Variants in PHACTR1 observed in about 807,000 individuals in gnomAD.
PHACTR1 encodes the protein RPEL repeat containing 1.
In PHACTR1, 16 loss-of-function variants were observed where a neutral mutation model predicts 69.2. The ratio of observed to expected loss-of-function variants is 0.23; its 90% CI spans 0.16 to 0.35. The LOEUF is 0.35. PHACTR1 is among the 10% of genes least tolerant of loss of function. The pLI, the probability that PHACTR1 is intolerant of heterozygous loss-of-function variation, is 1.00. For synonymous variants in PHACTR1, 312 were observed against 284.5 expected (o/e 1.10, Z -0.97); for missense variants, 510 against 734.7 (o/e 0.69, Z 3.54).
intron 4 of PHACTR1, among the ~76,000 whole-genome samples, chr6:12,783,341 C>T (rs1581727420): frequency 6.6e-6 from 1 of 152,218 alleles, no homozygotes; most frequent in East Asian, 1.9e-4. Context: ...GGTCAAATGC[C>T]TTTCATTAAA....
chr6:12,803,178 A>G (rs6919327), intron 4 of PHACTR1, among the ~76,000 whole-genome samples: 68,065 of 151,598 alleles, frequency 0.45, 16,127 homozygotes, highest in African/African-American at 0.58. Context: ...TTATTGTGTC[A>G]CTTCTTGACA....
At chr6:13,286,114 A>G (rs750745959) in intron 13 of PHACTR1, 32 bp from the exon 14 acceptor site, 1 of 1,568,196 alleles carries the variant, frequency 6.4e-7, no homozygotes, top group South Asian at 1.2e-5. Flanking sequence ...TCTCTCTCCC[A>G]TTGCACATTG....
intron 4 of PHACTR1, among the ~76,000 whole-genome samples, chr6:13,050,565 G>A (rs753210171): frequency 6.6e-6 from 1 of 151,860 alleles, no homozygotes; most frequent in Non-Finnish European, 1.5e-5. Flanking sequence ...CTACATCTTC[G>A]ATCTCTCACT....
intron 4 of PHACTR1, among the ~76,000 whole-genome samples, chr6:12,823,076 G>A (rs1483523838): frequency 6.6e-6 from 1 of 152,112 alleles, no homozygotes; most frequent in Non-Finnish European, 1.5e-5. Context: ...ATATATCGAG[G>A]CAAAATTGCA....
At chr6:12,897,698 TTTATTATTATTATTATTATTA>T (rs10526737) in intron 4 of PHACTR1, among the ~76,000 whole-genome samples, 4 of 148,832 alleles carry the variant, frequency 2.7e-5, no homozygotes, top group African/African-American at 9.9e-5. Flanking sequence ...TTTGTAATCT[TTTATTATTATTATTATTATTA>T]TTATTATTAT....
chr6:12,993,608 A>G (rs1028096791), intron 4 of PHACTR1, among the ~76,000 whole-genome samples: 1 of 152,220 alleles, frequency 6.6e-6, no homozygotes, highest in African/African-American at 2.4e-5. Context: ...CCATAGATAA[A>G]TCTGGAAATT....
At chr6:13,258,337 A>G (rs1161318172) in intron 10 of PHACTR1, among the ~76,000 whole-genome samples, 1 of 148,922 alleles carries the variant, frequency 6.7e-6, no homozygotes, top group Non-Finnish European at 1.5e-5. Flanking sequence ...CCTCGGCGAC[A>G]GAGAGAGACA....
At chr6:12,815,410 T>C (rs1046857593) in intron 4 of PHACTR1, among the ~76,000 whole-genome samples, 8 of 152,208 alleles carry the variant, frequency 5.3e-5, no homozygotes, top group Admixed American at 4.6e-4. Flanking sequence ...AACTTACCTG[T>C]TTTGATCATT....
intron 4 of PHACTR1, among the ~76,000 whole-genome samples, chr6:12,858,827 C>CCA (rs970125224): frequency 1.8e-4 from 25 of 140,760 alleles, no homozygotes; most frequent in African/African-American, 4.3e-4. Flanking sequence ...CACACACACA[C>CCA]CACACACACA....
chr6:13,023,242 C>G (rs1176224927), intron 4 of PHACTR1, among the ~76,000 whole-genome samples: 1 of 152,114 alleles, frequency 6.6e-6, no homozygotes, highest in East Asian at 1.9e-4. Context: ...AAAGAAATAA[C>G]TGATCTGAAT....
chr6:13,064,368 T>G (rs956913280), intron 5 of PHACTR1, among the ~76,000 whole-genome samples: 2 of 151,518 alleles, frequency 1.3e-5, no homozygotes, highest in African/African-American at 4.8e-5. Flanking sequence ...GGAGGTATGT[T>G]CTGTGCAGGA....
At chr6:12,926,367 C>T (rs2127521483) in intron 4 of PHACTR1, among the ~76,000 whole-genome samples, 1 of 152,292 alleles carries the variant, frequency 6.6e-6, no homozygotes, top group East Asian at 1.9e-4. Context: ...CATACCCTCT[C>T]TGGGGAATCT....
intron 5 of PHACTR1, among the ~76,000 whole-genome samples, chr6:13,136,791 A>G (rs1223517): frequency 0.93 from 142,042 of 152,282 alleles, 66,828 homozygotes; most frequent in Non-Finnish European, 0.99. Flanking sequence ...GGAGAAAGAT[A>G]GGAAATGGCA....
At chr6:13,258,748 T>C (rs1332412319) in intron 10 of PHACTR1, among the ~76,000 whole-genome samples, 2 of 152,188 alleles carry the variant, frequency 1.3e-5, no homozygotes, top group Non-Finnish European at 2.9e-5. Context: ...AGAAGGTTCA[T>C]TTTTTGCCAA....
At chr6:13,159,444 TA>T (rs895632023) in intron 5 of PHACTR1, among the ~76,000 whole-genome samples, 7 of 152,166 alleles carry the variant, frequency 4.6e-5, no homozygotes, top group African/African-American at 1.4e-4. Flanking sequence ...CTCTATGAAC[TA>T]GATCATTGAA....
At chr6:13,178,413 C>A (rs1003295769) in intron 6 of PHACTR1, among the ~76,000 whole-genome samples, 1 of 152,188 alleles carries the variant, frequency 6.6e-6, no homozygotes, top group Admixed American at 6.5e-5. Context: ...TACTCTTTAT[C>A]CTTAATTCAG....
chr6:13,135,018 G>C (rs1239966066), intron 5 of PHACTR1, among the ~76,000 whole-genome samples: 3 of 152,084 alleles, frequency 2.0e-5, no homozygotes, highest in Non-Finnish European at 4.4e-5. Context: ...GAAGAAAATT[G>C]CCAATTCTTC....
At chr6:13,000,920 G>C (rs2127623171) in intron 4 of PHACTR1, among the ~76,000 whole-genome samples, 1 of 152,238 alleles carries the variant, frequency 6.6e-6, no homozygotes, top group Non-Finnish European at 1.5e-5. Flanking sequence ...TTACATTTTT[G>C]GAAAGGCCTT....
At chr6:12,891,984 A>G (rs556401145) in intron 4 of PHACTR1, among the ~76,000 whole-genome samples, 1 of 152,364 alleles carries the variant, frequency 6.6e-6, no homozygotes, top group Non-Finnish European at 1.5e-5. Flanking sequence ...TAGCAATTCC[A>G]TCAATCATTC....
Sources: gnomAD v4.1 joint callset for allele counts (sites outside exome capture counted in the v4.1 genomes callset) on GRCh38, gnomAD v4.1.1 for gene constraint, MANE v1.5 for transcripts, NCBI Gene and HGNC (gene_info 2026-07-23, HGNC 2026-07-21) for gene names.